Variants in CMIP observed in about 807,000 individuals in gnomAD.
The protein encoded by CMIP is C-Maf-inducing protein.
A neutral mutation model predicts 97.3 loss-of-function variants in CMIP; 13 were observed. The ratio of observed to expected loss-of-function variants is 0.13; its 90% CI spans 0.09 to 0.21. CMIP has a LOEUF of 0.21. CMIP is among the 10% of genes least tolerant of loss of function. CMIP has a pLI of 1.00. For missense variants in CMIP, 847 were observed against 1,024.9 expected (o/e 0.83, Z 2.37); for synonymous variants, 538 against 436.3 (o/e 1.23, Z -2.91).
At chr16:81,673,139 T>C (rs2092698148) in intron 9 of CMIP, among the ~76,000 whole-genome samples, 1 of 151,976 alleles carries the variant, frequency 6.6e-6, no homozygotes, top group African/African-American at 2.4e-5. Flanking sequence ...GACCAGGATT[T>C]GGGTGGAAGT....
intron 7 of CMIP, 79 bp downstream of exon 7, chr16:81,664,428 G>A: frequency 1.4e-6 from 2 of 1,391,214 alleles, no homozygotes; most frequent in Non-Finnish European, 9.9e-7. Flanking sequence ...CTTTTGCGTT[G>A]GCACAGATTT....
chr16:81,467,019 C>T (rs762798667), intron 1 of CMIP, among the ~76,000 whole-genome samples: 8 of 152,130 alleles, frequency 5.3e-5, no homozygotes, highest in Non-Finnish European at 1.0e-4. Context: ...AAACAGAAAC[C>T]CCCAAACTGC....
At chr16:81,707,501 G>A (rs1167106503) in intron 20 of CMIP, among the ~76,000 whole-genome samples, 1 of 152,256 alleles carries the variant, frequency 6.6e-6, no homozygotes, top group Non-Finnish European at 1.5e-5. Flanking sequence ...ACAGGTCACA[G>A]CAGAGCAGCG....
At chr16:81,572,029 G>A (rs553021736) in intron 1 of CMIP, among the ~76,000 whole-genome samples, 11 of 152,316 alleles carry the variant, frequency 7.2e-5, no homozygotes, top group African/African-American at 1.7e-4. Flanking sequence ...TCACCAGGAC[G>A]GCCTTGGCCC....
At chr16:81,704,218 TC>T in intron 18 of CMIP, 133 bp downstream of exon 18, 1 of 414,136 alleles carries the variant, frequency 2.4e-6, no homozygotes, top group Non-Finnish European at 4.2e-6. Context: ...TCCTGCCCCC[TC>T]CCCCTCCTCC....
chr16:81,554,023 C>T (rs943999080), intron 1 of CMIP, among the ~76,000 whole-genome samples: 1 of 152,200 alleles, frequency 6.6e-6, no homozygotes, highest in East Asian at 1.9e-4. Flanking sequence ...AACAGGAAGG[C>T]GAGGCTGCCC....
chr16:81,563,872 G>A (rs555199218), intron 1 of CMIP, among the ~76,000 whole-genome samples: 1 of 152,306 alleles, frequency 6.6e-6, no homozygotes, highest in East Asian at 1.9e-4. Context: ...TGGAAGAGCC[G>A]CCTTCCATTG....
At chr16:81,520,569 G>GGGAGAGAGAGAGAGA (rs370420453) in intron 1 of CMIP, 1 of 107,004 alleles carries the variant, frequency 9.3e-6, no homozygotes, top group African/African-American at 4.4e-5. Flanking sequence ...GGAGGAAGGG[G>GGGAGAGAGAGAGAGA]GAGAGAGAGA....
At chr16:81,598,372 G>T (rs1248594584) in intron 1 of CMIP, among the ~76,000 whole-genome samples, 1 of 152,140 alleles carries the variant, frequency 6.6e-6, no homozygotes, top group African/African-American at 2.4e-5. Context: ...GTGTAATTTG[G>T]TTCCTCCACC....
intron 2 of CMIP, among the ~76,000 whole-genome samples, chr16:81,608,952 G>A (rs539316633): frequency 1.3e-5 from 2 of 152,188 alleles, no homozygotes; most frequent in Non-Finnish European, 2.9e-5. Context: ...ACTGGATTGT[G>A]TAACAGCATT....
At chr16:81,488,575 C>G (rs567886626) in intron 1 of CMIP, among the ~76,000 whole-genome samples, 1 of 152,248 alleles carries the variant, frequency 6.6e-6, no homozygotes, top group East Asian at 1.9e-4. Flanking sequence ...TCTCCTGGGA[C>G]TGCTATAAGG....
chr16:81,671,987 C>T lies in CMIP; in HGVS notation c.951C>T (p.His317=), dbSNP rs1472371441. 1 of 1,594,652 alleles carries T rather than the reference C, an allele frequency of 6.3e-7. No homozygotes were observed. The highest frequency in any genetic ancestry group is 1.1e-5 in the South Asian group (1 of 88,312). ...CCAGCATGCACGGCCCCACAGGGCACTGCCCCCACCCCCGGGTCCTGCCCA... is the reference window on the plus strand; with the variant it reads ...CCAGCATGCACGGCCCCACAGGGCATTGCCCCCACCCCCGGGTCCTGCCCA... The part of the protein sequence containing the change: ...FIQSMHGPTG[H]CPHPRVLPNL... The change falls in exon 9 of 21, where the codon CAC becomes CAT. Residue 317 remains histidine (H), a synonymous_variant. Coordinates refer to ENST00000537098, the MANE Select transcript of CMIP (RefSeq NM_198390.3).
At chr16:81,558,014 T>G (rs1211692430) in intron 1 of CMIP, among the ~76,000 whole-genome samples, 3 of 152,210 alleles carry the variant, frequency 2.0e-5, no homozygotes, top group Non-Finnish European at 2.9e-5. Flanking sequence ...TTGACTGCTC[T>G]AAGTACTTCT....
intron 3 of CMIP, chr16:81,645,369 C>T (rs1173244663): frequency 1.3e-5 from 19 of 1,448,074 alleles, no homozygotes; most frequent in East Asian, 2.6e-5. Flanking sequence ...TGTACGCGCG[C>T]GAGCCCCAGA....
chr16:81,579,678 C>T (rs769434253), intron 1 of CMIP, among the ~76,000 whole-genome samples: 1 of 152,016 alleles, frequency 6.6e-6, no homozygotes, highest in Admixed American at 6.6e-5. Context: ...TTTTAAGGGA[C>T]TCTGGGCAAA....
intron 1 of CMIP, chr16:81,476,002 A>C (rs1907889167): frequency 1.7e-6 from 1 of 573,386 alleles, no homozygotes; most frequent in African/African-American, 1.9e-5. Flanking sequence ...AAAAAAAAAA[A>C]GATAAAACAT....
chr16:81,599,435 A>G (rs1209501894), intron 1 of CMIP, among the ~76,000 whole-genome samples: 1 of 152,208 alleles, frequency 6.6e-6, no homozygotes, highest in Non-Finnish European at 1.5e-5. Flanking sequence ...CCAAATGAGC[A>G]TCCATGGGTT....
chr16:81,607,224 A>T (rs1254741743), intron 1 of CMIP, among the ~76,000 whole-genome samples: 1 of 152,194 alleles, frequency 6.6e-6, no homozygotes, highest in African/African-American at 2.4e-5. Context: ...GTGGTGGCTT[A>T]TTGCTGGTGA....
At position 81,605,701 on chromosome 16, in the gene CMIP, C is replaced by T. The variant is rs776559209; in HGVS notation, c.301-1866C>T. Among the ~76,000 whole-genome samples the T allele has an allele frequency of 3.9e-5, 6 of 152,226 alleles. No homozygotes were observed. In the East Asian group the frequency reaches 1.2e-3, roughly 29 times the overall value. ...GTGGGGTCTGTGACACTCTTTACTC[C>T]TGCTCTCGGCCACCTGTCATGACAC... is the stretch of plus-strand genomic sequence containing the variant. On this transcript the variant is annotated intron_variant, in intron 1 of 20. Transcript: ENST00000537098.
Sources: allele counts gnomAD v4.1 joint callset (sites outside exome capture counted in the v4.1 genomes callset), GRCh38; gene constraint gnomAD v4.1.1; transcripts MANE v1.5; gene names NCBI Gene and HGNC (gene_info 2026-07-23, HGNC 2026-07-21).